Variants in SLC9A3 observed in about 807,000 individuals in gnomAD.
The protein encoded by SLC9A3 is sodium/hydrogen exchanger 3.
Under a neutral mutation model 86.8 loss-of-function variants are expected in SLC9A3, and 37 were observed. The ratio of observed to expected loss-of-function variants is 0.43; its 90% CI spans 0.33 to 0.56. SLC9A3 has a LOEUF of 0.56. Among genes scored for constraint, SLC9A3 ranks in the 20% least tolerant of loss-of-function variants. The pLI is 0.06. For synonymous variants in SLC9A3, 581 were observed against 528.3 expected (o/e 1.10, Z -1.37); for missense variants, 1,011 against 1,171.9 (o/e 0.86, Z 2.00).
rs566685003 is a variant in SLC9A3 at position 491,913 on chromosome 5, C to T, written c.370G>A (p.Val124Met). ...GGCATGAAGTAGCCGGCGTCCAGCA[C>T]GATGGGGGGCAGCAGGTAGAAGAAG... ...VFFFYLLPPI[V>M]LDAGYFMPNR... Residue 124 changes from valine (V) to methionine (M), a missense_variant, in exon 2 of 17, where the codon GTG becomes ATG. Val to Met is a conservative substitution (Grantham distance 21). Transcript: ENST00000264938. The surrounding 1 kb of genome is among the most constrained non-coding windows in gnomAD (Gnocchi z 9.2). 1.6e-4 allele frequency: 261 copies of T among 1,611,780 alleles called. No homozygotes were observed. The South Asian group carries it at 2.1e-3, about 13-fold the overall frequency.
chr5:489,709 G>A (rs1739636199), intron 2 of SLC9A3, among the ~76,000 whole-genome samples: 1 of 152,194 alleles, frequency 6.6e-6, no homozygotes, highest in South Asian at 2.1e-4. Flanking sequence ...CTCAGGACAC[G>A]AATCCCCTTC....
chr5:476,659 T>C lies in SLC9A3; in HGVS notation c.1774A>G (p.Ser592Gly), dbSNP rs1051146292. Reference protein sequence around the residue: ...SVSYLLRENVSAVCLDMQSLE... With the variant: ...SVSYLLRENVGAVCLDMQSLE... ...GACTGCATGTCCAGGCAGACAGCGC[T>C]GACATTTTCTCTCCTGCGTGGGGAC... is the stretch of plus-strand genomic sequence containing the variant. Residue 592 changes from serine (S) to glycine (G), a missense_variant, in exon 12 of 17, where the codon AGC becomes GGC. Ser to Gly is a moderately conservative substitution (Grantham distance 56). Around this residue, in one of 3 missense-constraint regions of SLC9A3, gnomAD observed 397 missense variants for 346.3 expected, o/e 1.15. Coordinates refer to ENST00000264938, the MANE Select transcript of SLC9A3 (RefSeq NM_004174.4). The C allele has an allele frequency of 2.5e-6, 4 of 1,605,632 alleles. No individual in the cohort carries two copies. The highest frequency in any genetic ancestry group is 2.5e-6 in the Non-Finnish European group (3 of 1,179,834).
chr5:499,255 G>A (rs1039749650), intron 1 of SLC9A3, among the ~76,000 whole-genome samples: 1 of 152,258 alleles, frequency 6.6e-6, no homozygotes, highest in Non-Finnish European at 1.5e-5. Flanking sequence ...CTAGTAGTTT[G>A]GCAATTAAGC....
intron 7 of SLC9A3, 59 bp from the exon 8 acceptor site, chr5:482,216 G>A (rs996123905): frequency 2.2e-4 from 292 of 1,346,028 alleles, no homozygotes; most frequent in Non-Finnish European, 2.8e-4. Context: ...CCGCTGGCCC[G>A]GCCAGGTGCA....
rs1466152896 is a variant in SLC9A3, at chr5:496,483, A to G, written c.212-4412T>C. Among the ~76,000 whole-genome samples the G allele has an allele frequency of 1.3e-5, 2 of 152,172 alleles. No homozygotes were observed. Among genetic ancestry groups the G allele is most frequent in the Non-Finnish European group, 2.9e-5 (2 of 68,028 alleles). The stretch of plus-strand genomic sequence containing the variant: ...CCCTGCCGGGCACTGATCCTTTCCT[A>G]TTGACACGAGGTTCTTCGTAAGCTG... On this transcript the variant is annotated intron_variant, in intron 1 of 16. Coordinates refer to ENST00000264938, the MANE Select transcript of SLC9A3 (RefSeq NM_004174.4). This position sits in a 1 kb window ranked among gnomAD's most constrained non-coding sequence, Gnocchi z 4.7.
At chr5:477,488 C>G (rs1738826398) in intron 10 of SLC9A3, 44 bp from the exon 11 acceptor site, 12 of 1,411,752 alleles carry the variant, frequency 8.5e-6, no homozygotes, top group South Asian at 1.2e-5. Flanking sequence ...AGCAGCCAAG[C>G]CCTAGCTGCT....
At chr5:481,507 G>A (rs2126615779) in intron 9 of SLC9A3, 58 bp downstream of exon 9, 1 of 1,389,714 alleles carries the variant, frequency 7.2e-7, no homozygotes, top group East Asian at 2.3e-5. Flanking sequence ...CTTCCGAGTG[G>A]AGGATGTTTC....
rs546298171 is a variant in SLC9A3 at position 482,130 on chromosome 5, A to G, written c.1384T>C (p.Trp462Arg). Reference protein sequence around the residue: ...QGLTIKPLVQWLKVKRSEHRE... With the variant: ...QGLTIKPLVQRLKVKRSEHRE... ...TGCTCGCTCCTCTTCACCTTCAGCC[A>G]CTGCACCAGAGGCTTGATGGTCAGG... Residue 462 changes from tryptophan (W) to arginine (R), a missense_variant, in exon 8 of 17, where the codon TGG becomes CGG. Physicochemically the swap from Trp to Arg is moderately radical, Grantham distance 101. Transcript: ENST00000264938. 2 of 1,605,136 alleles carry G rather than the reference A, an allele frequency of 1.2e-6. No homozygotes were observed. The highest frequency in any genetic ancestry group is 2.7e-5 in the African/African-American group (2 of 73,426).
chr5:497,640 G>A lies in SLC9A3; in HGVS notation c.212-5569C>T, dbSNP rs1740081596. ...CTCCACTTCAAAGAAGCTTCCTGAA[G>A]CTTCCAGATCCCCTGCAGCCCCCCT... is the stretch of plus-strand genomic sequence containing the variant. On this transcript the variant is annotated intron_variant, in intron 1 of 16. Coordinates refer to ENST00000264938, the MANE Select transcript of SLC9A3 (RefSeq NM_004174.4). The surrounding 1 kb of genome is among the most constrained non-coding windows in gnomAD (Gnocchi z 5.4). 6.6e-6 allele frequency among the ~76,000 whole-genome samples: 1 copy of A among 152,168 alleles called. No homozygotes were observed. The highest frequency in any genetic ancestry group is 6.5e-5 in the Admixed American group (1 of 15,282).
In SLC9A3 at chr5:497,664, C is replaced by A. The variant is rs1021014402; in HGVS notation, c.212-5593G>T. 6.6e-6 allele frequency among the ~76,000 whole-genome samples: 1 copy of A among 152,210 alleles called. No individual in the cohort carries two copies. The highest frequency in any genetic ancestry group is 1.5e-5 in the Non-Finnish European group (1 of 68,046). Reference sequence around the variant, plus strand: ...AGCTTCCAGATCCCCTGCAGCCCCCCTGAGCCGCTGACCCTGACCCCTGGG... The same window carrying A: ...AGCTTCCAGATCCCCTGCAGCCCCCATGAGCCGCTGACCCTGACCCCTGGG... On this transcript the variant is annotated intron_variant, in intron 1 of 16. Transcript: ENST00000264938. The surrounding 1 kb of genome is among the most constrained non-coding windows in gnomAD (Gnocchi z 5.4).
Position 472,972 on chromosome 5 carries a change from G to A in SLC9A3, c.*407C>T, listed in dbSNP as rs953501437. ...CCTTCCCGCCGGCGGCGTCACAGCG[G>A]CGTCTCCTCCTGCTCCAGCGCGTGC... is the stretch of plus-strand genomic sequence containing the variant. On this transcript the variant is annotated 3_prime_UTR_variant, in exon 17 of 17. Transcript: ENST00000264938. 19 of 525,306 alleles carry A rather than the reference G, an allele frequency of 3.6e-5. No homozygotes were observed. Among genetic ancestry groups the A allele is most frequent in the Admixed American group, 7.8e-5 (2 of 25,528 alleles). 32.5% of individuals were successfully genotyped at this position (525,306 alleles called of 1,614,324 possible). A position where few individuals can be genotyped will look rare whatever the true frequency, so the allele number is the denominator to read the frequency against.
chr5:484,475 C>T (rs201170586), intron 5 of SLC9A3, 45 bp downstream of exon 5: 198 of 1,591,876 alleles, frequency 1.2e-4, no homozygotes, highest in African/African-American at 8.6e-4. Context: ...TGGAGAAGCT[C>T]GGGAGGAGGG....
At chr5:500,818 G>A (rs557286204) in intron 1 of SLC9A3, among the ~76,000 whole-genome samples, 3 of 149,602 alleles carry the variant, frequency 2.0e-5, no homozygotes, top group South Asian at 4.3e-4. Flanking sequence ...TGGGGCAGGC[G>A]TGGATGGGGC....
chr5:475,742 C>A (rs1738683461), intron 14 of SLC9A3, 71 bp from the exon 15 acceptor site: 1 of 883,114 alleles, frequency 1.1e-6, no homozygotes, highest in Non-Finnish European at 1.9e-6. Context: ...TCAGCAGTGT[C>A]CATCAGCTCT....
intron 1 of SLC9A3, among the ~76,000 whole-genome samples, chr5:495,144 G>A (rs571240327): frequency 1.4e-4 from 22 of 151,972 alleles, no homozygotes; most frequent in Middle Eastern, 6.8e-3. Context: ...CGGGAGTCTC[G>A]GAGCTCCTGG....
chr5:502,207 G>T (rs1316140363), intron 1 of SLC9A3, among the ~76,000 whole-genome samples: 1 of 152,230 alleles, frequency 6.6e-6, no homozygotes, highest in East Asian at 1.9e-4. Flanking sequence ...CAGCCTCTGA[G>T]CCAGCCACGG....
rs1218210445 is a variant in SLC9A3 at position 503,912 on chromosome 5, G to A, written c.212-11841C>T. On this transcript the variant is annotated intron_variant, in intron 1 of 16. Coordinates refer to ENST00000264938, the MANE Select transcript of SLC9A3 (RefSeq NM_004174.4). ...CTGGGGCCTCTGGACAGAAGACTGG[G>A]CCCCCAGAGCTCTTGGGGGGTTCCC... Among the ~76,000 whole-genome samples, 3 of 152,200 alleles carry A rather than the reference G, an allele frequency of 2.0e-5. 1 individual carries two copies. The highest frequency in any genetic ancestry group is 2.9e-5 in the Non-Finnish European group (2 of 68,046).
chr5:504,703 A>G lies in SLC9A3; in HGVS notation c.212-12632T>C, dbSNP rs192773993. On this transcript the variant is annotated intron_variant, in intron 1 of 16. Transcript: ENST00000264938. ...ATGGGCACCGGGACCTGCACCCCTC[A>G]GCGCTGTGAGGCCACTGTCTCTAAA... is the stretch of plus-strand genomic sequence containing the variant. Among the ~76,000 whole-genome samples, 201 of 152,290 alleles carry G rather than the reference A, an allele frequency of 1.3e-3. 1 individual carries two copies. The highest frequency in any genetic ancestry group is 4.6e-3 in the African/African-American group (191 of 41,566).
chr5:490,380 G>T (rs1739678641), intron 2 of SLC9A3, among the ~76,000 whole-genome samples: 2 of 152,098 alleles, frequency 1.3e-5, no homozygotes, highest in Middle Eastern at 6.8e-3. Flanking sequence ...CTGGTGTGGG[G>T]AGTCCTCCAG....
Sources: gnomAD v4.1 joint callset for allele counts (sites outside exome capture counted in the v4.1 genomes callset) on GRCh38, gnomAD v4.1.1 for gene constraint, gnomAD v4.1.1 regional missense constraint, Gnocchi (gnomAD v3.1) non-coding constraint, MANE v1.5 for transcripts, NCBI Gene and HGNC (gene_info 2026-07-23, HGNC 2026-07-21) for gene names.